RGS9: variants seen among roughly 807,000 people sequenced by gnomAD.
RGS9 encodes regulator of G-protein signalling 9.
RGS9 carries 78 observed loss-of-function variants against 102.0 expected under a neutral mutation model. That is an observed-to-expected ratio of 0.76 (90% CI 0.64 to 0.92). RGS9 has a LOEUF of 0.92. RGS9 is among the 40% of genes least tolerant of loss of function. The pLI is 0.00. For missense variants in RGS9, 833 were observed against 866.1 expected, an observed-to-expected ratio of 0.96 and a Z score of 0.48; for synonymous variants, 353 against 318.6, an observed-to-expected ratio of 1.11 and a Z score of -1.15.
At chr17:65,216,037 G>C (rs1477444551) in intron 17 of RGS9, among the ~76,000 whole-genome samples, 1 of 152,186 alleles carries the variant, frequency 6.6e-6, no homozygotes, top group Non-Finnish European at 1.5e-5. Context: ...CTATCTGGAG[G>C]CATCGGGGAA....
chr17:65,175,112 T>C (rs1911575424), intron 8 of RGS9, among the ~76,000 whole-genome samples: 1 of 151,542 alleles, frequency 6.6e-6, no homozygotes, highest in Non-Finnish European at 1.5e-5. Context: ...TGTCAGGACA[T>C]GTGTGTATGT....
intron 2 of RGS9, among the ~76,000 whole-genome samples, chr17:65,156,519 T>TA (rs934763798): frequency 4.6e-5 from 7 of 151,966 alleles, no homozygotes; most frequent in Non-Finnish European, 5.9e-5. Context: ...ACAGCACCGA[T>TA]AAAAAAAAAT....
intron 8 of RGS9, among the ~76,000 whole-genome samples, chr17:65,170,588 C>A (rs1216692269): frequency 6.6e-6 from 1 of 152,186 alleles, no homozygotes; most frequent in Non-Finnish European, 1.5e-5. Context: ...TATCTTGGTA[C>A]AGTTCAGTCC....
At chr17:65,152,768 C>T (rs999821908) in intron 1 of RGS9, among the ~76,000 whole-genome samples, 4 of 152,194 alleles carry the variant, frequency 2.6e-5, no homozygotes, top group Admixed American at 6.5e-5. Flanking sequence ...TGGGTTTAAG[C>T]GATCCTCCCG....
In RGS9 at chr17:65,225,312, C is replaced by T. The variant is rs376241085; in HGVS notation, c.1718C>T (p.Pro573Leu). The stretch of plus-strand genomic sequence containing the variant: ...TGGCCTCGCAGCCGGCCCAGGGCCC[C>T]TCCTAAGGCCCGCATGGCTCTGTCC... The part of the protein sequence containing the change: ...TSWPRSRPRA[P>L]PKARMALSFS... Residue 573 changes from proline (P) to leucine (L), a missense_variant, in exon 18 of 19, where the codon CCT (proline) becomes CTT (leucine). Physicochemically the swap from Pro to Leu is moderately conservative, Grantham distance 98 (BLOSUM62 -3). Transcript: ENST00000262406. 3.2e-5 allele frequency: 52 copies of T among 1,610,124 alleles called. No homozygotes were observed. Among genetic ancestry groups the T allele is most frequent in the East Asian group, 4.5e-5 (2 of 44,886 alleles).
chr17:65,184,814 CCTCT>C (rs869260297), intron 9 of RGS9, among the ~76,000 whole-genome samples: 3 of 122,686 alleles, frequency 2.4e-5, no homozygotes, highest in Non-Finnish European at 1.6e-5. Flanking sequence ...CTCTTTCTTT[CCTCT>C]CTCTCTCCTT....
intron 9 of RGS9, among the ~76,000 whole-genome samples, chr17:65,185,117 A>C (rs1438520220): frequency 4.6e-5 from 7 of 151,988 alleles, no homozygotes; most frequent in Non-Finnish European, 8.8e-5. Context: ...CTTTTCTCTC[A>C]CTGTCCCCTC....
chr17:65,219,188 A>G (rs372040493), intron 17 of RGS9, among the ~76,000 whole-genome samples: 3 of 151,944 alleles, frequency 2.0e-5, no homozygotes, highest in South Asian at 2.1e-4. Context: ...CATGATCTCA[A>G]CTCCAGGTAT....
At chr17:65,140,882 G>A (rs1446094902) in intron 1 of RGS9, among the ~76,000 whole-genome samples, 1 of 72,380 alleles carries the variant, frequency 1.4e-5, no homozygotes, top group African/African-American at 3.6e-5. Flanking sequence ...GAGAGACTCT[G>A]TCTAAAAAAA....
chr17:65,145,244 C>A (rs1910308176), intron 1 of RGS9, among the ~76,000 whole-genome samples: 1 of 151,706 alleles, frequency 6.6e-6, no homozygotes, highest in Non-Finnish European at 1.5e-5. Context: ...GTGCCCCCCA[C>A]CACGCCTGGC....
chr17:65,202,001 C>T lies in RGS9; in HGVS notation c.985C>T (p.Leu329=). 6.2e-7 allele frequency: 1 copy of T among 1,612,406 alleles called. No individual in the cohort carries two copies. Among genetic ancestry groups the T allele is most frequent in the South Asian group, 1.1e-5 (1 of 91,032 alleles). Residue 329 remains leucine, a synonymous_variant, in exon 14 of 19, where the codon CTG becomes TTG. Coordinates refer to ENST00000262406, the MANE Select transcript of RGS9 (RefSeq NM_003835.4). ...FLKKEFSGEN[L]GFWEACEDLK... is the part of the protein sequence containing the mutation. The stretch of plus-strand genomic sequence containing the variant: ...GACTTCTCACCATGCAGGAGAGAAT[C>T]TGGGATTCTGGGAAGCCTGCGAGGA...
intron 8 of RGS9, among the ~76,000 whole-genome samples, chr17:65,176,060 C>A (rs532033842): frequency 6.6e-6 from 1 of 152,332 alleles, no homozygotes; most frequent in South Asian, 2.1e-4. Context: ...AGCCCAGTTG[C>A]TTCCCAACTC....
intron 9 of RGS9, among the ~76,000 whole-genome samples, chr17:65,183,438 T>C (rs1290608016): frequency 6.6e-6 from 1 of 152,108 alleles, no homozygotes; most frequent in African/African-American, 2.4e-5. Flanking sequence ...TTATTCGTTT[T>C]GAGACCAGGT....
Position 65,202,051 on chromosome 17 carries a change from A to T in RGS9, c.1035A>T (p.Lys345Asn), listed in dbSNP as rs769172837. Residue 345 changes from lysine to asparagine, a missense_variant, in exon 14 of 19, where the codon AAA becomes AAT. Physicochemically the swap from Lys to Asn is moderately conservative, Grantham distance 94. Coordinates refer to ENST00000262406, the MANE Select transcript of RGS9 (RefSeq NM_003835.4). ...ATCTGAAGTATGGAGATCAGTCCAA[A>T]GTCAAGGAGAAAGCAGAGGAGATTT... ...CEDLKYGDQSKVKEKAEEIYK... is the reference protein window; with the variant it reads ...CEDLKYGDQSNVKEKAEEIYK... 1.2e-6 allele frequency: 2 copies of T among 1,613,670 alleles called. No individual in the cohort carries two copies. The highest frequency in any genetic ancestry group is 1.7e-6 in the Non-Finnish European group (2 of 1,179,666).
At chr17:65,160,112 A>T in intron 3 of RGS9, 121 bp from the exon 4 acceptor site, 1 of 806,332 alleles carries the variant, frequency 1.2e-6, no homozygotes, top group South Asian at 1.4e-5. Context: ...CTCACTGCTC[A>T]TGAGATGCAG....
chr17:65,216,494 G>A (rs528914651), intron 17 of RGS9, among the ~76,000 whole-genome samples: 28 of 152,266 alleles, frequency 1.8e-4, no homozygotes, highest in Admixed American at 1.0e-3. Flanking sequence ...AAAATTAGCC[G>A]GGCGTGGTGG....
chr17:65,213,779 T>C (rs1913393885), intron 17 of RGS9, among the ~76,000 whole-genome samples: 1 of 152,078 alleles, frequency 6.6e-6, no homozygotes, highest in East Asian at 1.9e-4. Flanking sequence ...CTGCTCAAGT[T>C]GAGACACACA....
chr17:65,139,793 CT>C (rs1477544865), intron 1 of RGS9, among the ~76,000 whole-genome samples: 10 of 152,336 alleles, frequency 6.6e-5, no homozygotes, highest in African/African-American at 2.2e-4. Flanking sequence ...TCTATGTATC[CT>C]CTATATCTAT....
At chr17:65,200,549 G>A (rs8080420) in intron 13 of RGS9, among the ~76,000 whole-genome samples, 30,460 of 151,972 alleles carry the variant, frequency 0.2, 5,129 homozygotes, top group African/African-American at 0.43. Flanking sequence ...TTAGTTGAGA[G>A]CATCACTGGT....
Sources: allele counts gnomAD v4.1 joint callset (sites outside exome capture counted in the v4.1 genomes callset), GRCh38; gene constraint gnomAD v4.1.1; transcripts MANE v1.5; gene names NCBI Gene and HGNC (gene_info 2026-07-23, HGNC 2026-07-21).